The following SCLT1 variants were observed in gnomAD, a reference collection of about 807,000 sequenced individuals.
SCLT1 encodes sodium channel-associated protein 1.
Under a neutral mutation model 112.8 loss-of-function variants are expected in SCLT1, and 78 were observed. The ratio of observed to expected loss-of-function variants is 0.69; its 90% CI spans 0.58 to 0.83. The LOEUF is 0.83. SCLT1 is among the 40% of genes least tolerant of loss of function. SCLT1 has a pLI of 0.00. For missense variants in SCLT1, 747 were observed against 770.4 expected, an observed-to-expected ratio of 0.97 and a Z score of 0.36; for synonymous variants, 257 against 254.7, an observed-to-expected ratio of 1.01 and a Z score of -0.09.
chr4:128,978,277 G>A (rs544064610), intron 9 of SCLT1, among the ~76,000 whole-genome samples: 1 of 152,104 alleles, frequency 6.6e-6, no homozygotes, highest in African/African-American at 2.4e-5. Flanking sequence ...AAGGTCAGAG[G>A]TGTATACTTG....
intron 9 of SCLT1, among the ~76,000 whole-genome samples, chr4:128,975,427 C>T (rs1002776622): frequency 6.6e-6 from 1 of 151,982 alleles, no homozygotes; most frequent in African/African-American, 2.4e-5. Flanking sequence ...TTAAATTATA[C>T]CATCAATTTG....
intron 18 of SCLT1, among the ~76,000 whole-genome samples, chr4:128,927,411 C>T (rs931185328): frequency 1.3e-5 from 2 of 151,768 alleles, no homozygotes; most frequent in African/African-American, 4.8e-5. Context: ...CGTGTCTCTA[C>T]AAAAAACACA....
chr4:129,078,109 A>G (rs915634925), intron 2 of SCLT1, among the ~76,000 whole-genome samples: 7 of 152,238 alleles, frequency 4.6e-5, no homozygotes, highest in African/African-American at 2.4e-5. Flanking sequence ...GCAAGACAAC[A>G]AGAATAGTAC....
intron 2 of SCLT1, among the ~76,000 whole-genome samples, chr4:129,049,128 G>A (rs1463925418): frequency 3.3e-5 from 5 of 151,828 alleles, no homozygotes; most frequent in African/African-American, 1.2e-4. Flanking sequence ...TCGCATTACT[G>A]GGTATATACC....
intron 5 of SCLT1, among the ~76,000 whole-genome samples, chr4:129,014,199 C>T (rs533556800): frequency 6.6e-6 from 1 of 150,424 alleles, no homozygotes; most frequent in Non-Finnish European, 1.5e-5. Context: ...TTTTGCTGGG[C>T]AGCTCCTGCA....
At chr4:129,006,167 A>T (rs1743996878) in intron 5 of SCLT1, among the ~76,000 whole-genome samples, 1 of 150,450 alleles carries the variant, frequency 6.6e-6, no homozygotes, top group Admixed American at 6.6e-5. Flanking sequence ...AAAGTATAAT[A>T]AAAAAAATTC....
Position 128,959,668 on chromosome 4 carries a change from A to C in SCLT1, c.979T>G (p.Tyr327Asp), listed in dbSNP as rs1739513750. The C allele has an allele frequency of 3.7e-6, 6 of 1,612,728 alleles. No individual in the cohort carries two copies. Among genetic ancestry groups the C allele is most frequent in the Non-Finnish European group, 5.1e-6 (6 of 1,178,984 alleles). Residue 327 changes from tyrosine to aspartate, a missense_variant, in exon 12 of 21, where the codon TAT becomes GAT. This residue lies in a region of SCLT1 where 723 missense variants were observed against 721.3 expected (regional missense o/e 1.00). Transcript: ENST00000281142. ...AKCNELENER[Y>D]EAIVRARNSM... is the part of the protein sequence containing the mutation. Reference sequence around the variant, plus strand: ...TTTCTGGCTCTTACAATAGCCTCATATCTCTCATTTTCTAATTCATTGCAC... The same window carrying C: ...TTTCTGGCTCTTACAATAGCCTCATCTCTCTCATTTTCTAATTCATTGCAC...
At chr4:129,087,976 T>A (rs2777822) in intron 1 of SCLT1, among the ~76,000 whole-genome samples, 83,986 of 151,066 alleles carry the variant, frequency 0.56, 25,399 homozygotes, top group South Asian at 0.68. Context: ...AGTCCCAGCT[T>A]CTCAGGAGGC....
intron 5 of SCLT1, among the ~76,000 whole-genome samples, chr4:129,027,549 G>A (rs1448688122): frequency 6.6e-6 from 1 of 152,128 alleles, no homozygotes; most frequent in East Asian, 1.9e-4. Context: ...AGCTATCTAT[G>A]ACAAACCCAC....
chr4:129,042,934 A>G (rs549059802), intron 4 of SCLT1, among the ~76,000 whole-genome samples: 28 of 152,172 alleles, frequency 1.8e-4, no homozygotes, highest in African/African-American at 6.5e-4. Flanking sequence ...TCAGCTGGGC[A>G]TGGTGGCACA....
chr4:128,893,336 A>G (rs1328452839), intron 18 of SCLT1, among the ~76,000 whole-genome samples: 1 of 152,212 alleles, frequency 6.6e-6, no homozygotes, highest in East Asian at 1.9e-4. Flanking sequence ...ATCTCTTTAT[A>G]TATCAAGCTC....
At chr4:128,942,439 A>G (rs1468415058) in intron 17 of SCLT1, among the ~76,000 whole-genome samples, 1 of 152,098 alleles carries the variant, frequency 6.6e-6, no homozygotes, top group Non-Finnish European at 1.5e-5. Context: ...GTGTTACTTG[A>G]AAGTCCCTTA....
At chr4:128,958,036 G>T (rs1458635344) in intron 12 of SCLT1, among the ~76,000 whole-genome samples, 2 of 151,990 alleles carry the variant, frequency 1.3e-5, no homozygotes, top group Non-Finnish European at 2.9e-5. Context: ...AAATCTCACA[G>T]TTTTAAATAT....
intron 18 of SCLT1, among the ~76,000 whole-genome samples, chr4:128,900,011 C>A (rs1289663767): frequency 1.3e-5 from 2 of 151,994 alleles, no homozygotes; most frequent in South Asian, 2.1e-4. Context: ...AACCAGTGCT[C>A]AAGGAAATAA....
At chr4:129,031,934 C>A (rs972878233) in intron 5 of SCLT1, among the ~76,000 whole-genome samples, 3 of 151,994 alleles carry the variant, frequency 2.0e-5, no homozygotes, top group Admixed American at 6.6e-5. Context: ...ACTTTCTTCA[C>A]AGAATTAGAA....
rs564371994 is a variant in SCLT1, at chr4:129,013,236, G to A, written c.291-9360C>T. ...AGCTCCCACTTATAAGTGAGAACACGCGGTATTTGGTTTTCTGTTCCTGCG... is the reference window on the plus strand; with the variant it reads ...AGCTCCCACTTATAAGTGAGAACACACGGTATTTGGTTTTCTGTTCCTGCG... On this transcript the variant is annotated intron_variant, in intron 5 of 20. Transcript: ENST00000281142. 2.3e-3 allele frequency among the ~76,000 whole-genome samples: 355 copies of A among 152,222 alleles called. 7 individuals are homozygous for A. The highest frequency in any genetic ancestry group is 6.8e-3 in the Middle Eastern group (2 of 294).
intron 18 of SCLT1, among the ~76,000 whole-genome samples, chr4:128,910,655 A>G (rs1351179312): frequency 1.3e-5 from 2 of 152,158 alleles, no homozygotes; most frequent in South Asian, 2.1e-4. Flanking sequence ...CTATTCCAAG[A>G]GAATAAAAAT....
downstream of SCLT1, among the ~76,000 whole-genome samples, chr4:128,882,002 T>C (rs1579271054): frequency 6.6e-6 from 1 of 152,284 alleles, no homozygotes; most frequent in East Asian, 1.9e-4. Flanking sequence ...TAGTTACCTG[T>C]GGCCAAAGTT....
intron 15 of SCLT1, among the ~76,000 whole-genome samples, chr4:128,946,755 C>T (rs1290931962): frequency 6.6e-6 from 1 of 152,072 alleles, no homozygotes; most frequent in Non-Finnish European, 1.5e-5. Context: ...AGATACATGC[C>T]ATGGTGCAAT....
Sources: allele counts gnomAD v4.1 joint callset (sites outside exome capture counted in the v4.1 genomes callset), GRCh38; gene constraint gnomAD v4.1.1; regional missense constraint gnomAD v4.1.1; transcripts MANE v1.5; gene names NCBI Gene and HGNC (gene_info 2026-07-23, HGNC 2026-07-21).